The following CGNL1 variants were observed in gnomAD, a reference collection of about 807,000 sequenced individuals.
CGNL1 encodes cingulin-like protein 1.
In CGNL1, 132 loss-of-function variants were observed where a neutral mutation model predicts 141.2. The ratio of observed to expected loss-of-function variants is 0.93; its 90% confidence interval spans 0.81 to 1.08. The LOEUF is 1.08. CGNL1 is among the 50% of genes least tolerant of loss of function. CGNL1 has a pLI of 0.00. For synonymous variants in CGNL1, 690 were observed against 622.1 expected (o/e 1.11, Z -1.63); for missense variants, 1,870 against 1,588.6 (o/e 1.18, Z -3.01).
At chr15:57,528,997 A>C in intron 13 of CGNL1, 182 bp downstream of exon 13, 1 of 587,308 alleles carries the variant, frequency 1.7e-6, no homozygotes, top group South Asian at 2.2e-5. Context: ...TTATAGACTC[A>C]GGACATCAGA....
At chr15:57,399,548 T>TG (rs2062637037) in intron 1 of CGNL1, among the ~76,000 whole-genome samples, 1 of 151,858 alleles carries the variant, frequency 6.6e-6, no homozygotes, top group Non-Finnish European at 1.5e-5. Flanking sequence ...TATAGTTGTT[T>TG]TTTTTTTTTT....
chr15:57,429,038 TA>T (rs58040196), intron 1 of CGNL1, among the ~76,000 whole-genome samples: 170 of 141,880 alleles, frequency 1.2e-3, no homozygotes, highest in African/African-American at 2.4e-3. Flanking sequence ...ACAACAGCAA[TA>T]AAAAAAAAAA....
chr15:57,461,644 A>C, intron 7 of CGNL1, 36 bp from the exon 8 acceptor site: 2 of 1,577,380 alleles, frequency 1.3e-6, no homozygotes, highest in Non-Finnish European at 1.7e-6. Context: ...AAGATGTTTC[A>C]TTGTCACCTT....
At chr15:57,453,484 G>A (rs1376366143) in intron 6 of CGNL1, among the ~76,000 whole-genome samples, 199 bp from the exon 7 acceptor site, 3 of 152,138 alleles carry the variant, frequency 2.0e-5, no homozygotes, top group African/African-American at 7.2e-5. Flanking sequence ...TTATCCTCTT[G>A]TAAGCAATTA....
At chr15:57,546,362 AT>A (rs1216059574) in intron 18 of CGNL1, 123 bp downstream of exon 18, 35 of 1,206,630 alleles carry the variant, frequency 2.9e-5, no homozygotes, top group Non-Finnish European at 3.9e-5. Flanking sequence ...TTTTGGGGTT[AT>A]CGTATCTTAG....
intron 1 of CGNL1, 28 bp downstream of exon 1, chr15:57,376,595 C>G: frequency 6.5e-6 from 1 of 153,238 alleles, no homozygotes; most frequent in South Asian, 1.8e-4. Context: ...TGGAGCGGGG[C>G]GGGGTGTGCG....
chr15:57,448,016 C>T (rs543461709), intron 4 of CGNL1, among the ~76,000 whole-genome samples: 11 of 152,150 alleles, frequency 7.2e-5, no homozygotes, highest in African/African-American at 2.4e-4. Context: ...CTTTTAAGAA[C>T]TTTTCTTTGG....
rs189378794 is a variant in CGNL1 at position 57,397,623 on chromosome 15, A to G, written c.-16+21056A>G. Among the ~76,000 whole-genome samples, 502 of 152,264 alleles carry G rather than the reference A, an allele frequency of 3.3e-3. 5 individuals are homozygous for G. Among genetic ancestry groups the G allele is most frequent in the African/African-American group, 0.011 (475 of 41,548 alleles). On this transcript the variant is annotated intron_variant, in intron 1 of 18. Transcript: ENST00000281282. ...AAAAAACCCCCACTATCATTTTATTATATAGTTTTTCCCATCGTTTTAATT... is the reference window on the plus strand; with the variant it reads ...AAAAAACCCCCACTATCATTTTATTGTATAGTTTTTCCCATCGTTTTAATT...
intron 8 of CGNL1, among the ~76,000 whole-genome samples, chr15:57,489,143 A>G (rs2063824449): frequency 6.6e-6 from 1 of 152,274 alleles, no homozygotes; most frequent in African/African-American, 2.4e-5. Context: ...AGAATTAAAC[A>G]TGAATTGAAG....
intron 5 of CGNL1, 94 bp downstream of exon 5, chr15:57,451,695 A>C: frequency 1.2e-6 from 1 of 827,894 alleles, no homozygotes; most frequent in Non-Finnish European, 1.9e-6. Context: ...GTGAAAGCCA[A>C]TTTTTTTTCC....
chr15:57,398,057 A>G (rs1362813638), intron 1 of CGNL1, among the ~76,000 whole-genome samples: 3 of 152,208 alleles, frequency 2.0e-5, no homozygotes, highest in East Asian at 3.8e-4. Context: ...CTGGGATTAC[A>G]GGCGTGAGCC....
At chr15:57,393,847 G>A (rs1408221731) in intron 1 of CGNL1, 3 of 151,700 alleles carry the variant, frequency 2.0e-5, no homozygotes, top group African/African-American at 7.3e-5. Context: ...GCATCAGAAA[G>A]TATGATAACA....
chr15:57,521,307 G>A (rs554084005), intron 10 of CGNL1, among the ~76,000 whole-genome samples: 1 of 152,202 alleles, frequency 6.6e-6, no homozygotes, highest in African/African-American at 2.4e-5. Context: ...AATTATCTGG[G>A]GAGCTTTCAA....
Position 57,541,232 on chromosome 15 carries a change from G to A in CGNL1, c.3292-2464G>A, listed in dbSNP as rs79297184. Among the ~76,000 whole-genome samples, 1,117 of 152,318 alleles carry A rather than the reference G, an allele frequency of 7.3e-3. 19 individuals carry two copies. The highest frequency in any genetic ancestry group is 0.026 in the African/African-American group (1,067 of 41,564). On this transcript the variant is annotated intron_variant, in intron 14 of 18. Coordinates refer to ENST00000281282, the MANE Select transcript of CGNL1 (RefSeq NM_032866.5). ...GCCACTGCTGTTTTTCTCTGTAATT[G>A]TTTCCCATTGCAGTGGAAATTTAAC...
In CGNL1 at chr15:57,400,605, G is replaced by A. The variant is rs77261060; in HGVS notation, c.-16+24038G>A. ...TTGTAAAAACAATACATGTTTGTGCGGGCATGGTGGCTCATGCCTGTAATC... is the reference window on the plus strand; with the variant it reads ...TTGTAAAAACAATACATGTTTGTGCAGGCATGGTGGCTCATGCCTGTAATC... On this transcript the variant is annotated intron_variant, in intron 1 of 18. Coordinates refer to ENST00000281282, the MANE Select transcript of CGNL1 (RefSeq NM_032866.5). 1.2e-4 allele frequency among the ~76,000 whole-genome samples: 19 copies of A among 152,144 alleles called. No individual in the cohort carries two copies. The East Asian group carries it at 3.3e-3, about 26-fold the overall frequency.
intron 8 of CGNL1, among the ~76,000 whole-genome samples, chr15:57,501,160 G>A (rs2064018876): frequency 6.6e-6 from 1 of 152,174 alleles, no homozygotes; most frequent in Non-Finnish European, 1.5e-5. Flanking sequence ...TGGGATGGAG[G>A]CCCTGCCCAG....
At chr15:57,448,140 C>A (rs758954917) in intron 4 of CGNL1, among the ~76,000 whole-genome samples, 5 of 151,876 alleles carry the variant, frequency 3.3e-5, no homozygotes, top group Non-Finnish European at 7.4e-5. Context: ...GATCCCATCT[C>A]TACAAAAACC....
At chr15:57,468,238 T>C (rs1321849745) in intron 8 of CGNL1, among the ~76,000 whole-genome samples, 1 of 13,322 alleles carries the variant, frequency 7.5e-5, no homozygotes. Flanking sequence ...CTTTTTCTTT[T>C]TTTTTTTTTT....
At chr15:57,498,012 GGTACCACACT>G (rs1279157497) in intron 8 of CGNL1, among the ~76,000 whole-genome samples, 10 of 152,150 alleles carry the variant, frequency 6.6e-5, no homozygotes, top group African/African-American at 2.4e-4. Flanking sequence ...CCCGTCCACA[GGTACCACACT>G]GTGGCATGTG....
Sources: gnomAD v4.1 joint callset for allele counts (sites outside exome capture counted in the v4.1 genomes callset) on GRCh38, gnomAD v4.1.1 for gene constraint, MANE v1.5 for transcripts, NCBI Gene and HGNC (gene_info 2026-07-23, HGNC 2026-07-21) for gene names.